SCRG1: variants seen among roughly 807,000 people sequenced by gnomAD.
The protein encoded by SCRG1 is scrapie-responsive protein 1.
Under a neutral mutation model 7.7 loss-of-function variants are expected in SCRG1, and 3 were observed. The observed-to-expected ratio is 0.39, with a 90% CI of 0.18 to 1.01. SCRG1 has a LOEUF of 1.01. Among genes scored for constraint, SCRG1 ranks in the 50% least tolerant of loss-of-function variants. The pLI is 0.36. For missense variants in SCRG1, 110 were observed against 117.2 expected, an observed-to-expected ratio of 0.94 and a Z score of 0.28; for synonymous variants, 46 against 41.2, an observed-to-expected ratio of 1.12 and a Z score of -0.44.
chr4:173,408,810 G>T (rs1739974363), upstream of SCRG1, among the ~76,000 whole-genome samples: 1 of 151,814 alleles, frequency 6.6e-6, no homozygotes, highest in South Asian at 2.1e-4. Context: ...TGGCTAACAC[G>T]GTGAAACCCC....
chr4:173,466,035 C>T, the SCRG1 span, among the ~76,000 whole-genome samples: 2 of 152,074 alleles, frequency 1.3e-5, no homozygotes, highest in African/African-American at 4.8e-5. Context: ...AAATTTGGAA[C>T]CAAATCCCCT....
chr4:173,514,453 C>T, the SCRG1 span, among the ~76,000 whole-genome samples: 2 of 152,244 alleles, frequency 1.3e-5, no homozygotes, highest in African/African-American at 4.8e-5. Context: ...CATACATCCT[C>T]TTACACCTTA....
rs748651159 is a variant in SCRG1, at chr4:173,388,338, T to G, written c.*3A>C. On this transcript the variant is annotated 3_prime_UTR_variant, in exon 3 of 3. Coordinates refer to ENST00000296506, the MANE Select transcript of SCRG1 (RefSeq NM_007281.4). Reference sequence around the variant, plus strand: ...TGGTGTTCTCCAGAATACATGAAGATTCTCATTGATTGTTGCAAGGAATCA... The same window carrying G: ...TGGTGTTCTCCAGAATACATGAAGAGTCTCATTGATTGTTGCAAGGAATCA... 5 of 1,609,740 alleles carry G rather than the reference T, an allele frequency of 3.1e-6. No homozygotes were observed. Among genetic ancestry groups the G allele is most frequent in the Non-Finnish European group, 4.2e-6 (5 of 1,176,766 alleles).
At chr4:173,471,722 G>C in the SCRG1 span, among the ~76,000 whole-genome samples, 1 of 152,114 alleles carries the variant, frequency 6.6e-6, no homozygotes, top group African/African-American at 2.4e-5. Flanking sequence ...TGGAAAATGA[G>C]TTTTGTTTTG....
At chr4:173,480,681 G>C in the SCRG1 span, among the ~76,000 whole-genome samples, 1 of 152,104 alleles carries the variant, frequency 6.6e-6, no homozygotes, top group Non-Finnish European at 1.5e-5. Context: ...AATATGGACT[G>C]CGTATTATAT....
chr4:173,450,580 C>G, the SCRG1 span, among the ~76,000 whole-genome samples: 1 of 152,090 alleles, frequency 6.6e-6, no homozygotes. Context: ...TTGGCTTTTA[C>G]CTGTGGGTTC....
At chr4:173,411,801 G>A in the SCRG1 span, among the ~76,000 whole-genome samples, 2 of 133,982 alleles carry the variant, frequency 1.5e-5, no homozygotes, top group African/African-American at 5.0e-5. Context: ...AATGCTGCTT[G>A]TCTCTAAGCT....
intron 1 of SCRG1, among the ~76,000 whole-genome samples, chr4:173,398,094 G>A (rs542297834): frequency 8.5e-5 from 13 of 152,198 alleles, no homozygotes; most frequent in South Asian, 6.2e-4. Context: ...CTTAGAAGAC[G>A]TTTTTGTTAG....
the SCRG1 span, among the ~76,000 whole-genome samples, chr4:173,459,422 C>G: frequency 1.3e-5 from 2 of 152,126 alleles, no homozygotes; most frequent in Non-Finnish European, 2.9e-5. Flanking sequence ...CTTTTCTGAG[C>G]ACAATGGAAT....
At chr4:173,398,884 CT>C (rs1739676466) in intron 1 of SCRG1, among the ~76,000 whole-genome samples, 183 bp downstream of exon 1, 1 of 152,100 alleles carries the variant, frequency 6.6e-6, no homozygotes, top group South Asian at 2.1e-4. Flanking sequence ...CTTTTTTAAT[CT>C]GATTATTTGC....
At chr4:173,484,121 C>CAAGATAT in the SCRG1 span, among the ~76,000 whole-genome samples, 1 of 45,870 alleles carries the variant, frequency 2.2e-5, no homozygotes, top group Non-Finnish European at 3.9e-5. Context: ...ATATAATATA[C>CAAGATAT]AATATATAAT....
At chr4:173,444,265 C>T in the SCRG1 span, among the ~76,000 whole-genome samples, 1 of 152,100 alleles carries the variant, frequency 6.6e-6, no homozygotes, top group Non-Finnish European at 1.5e-5. Context: ...TGAGCCTCTG[C>T]GCCTGGCCAA....
the SCRG1 span, among the ~76,000 whole-genome samples, chr4:173,449,267 T>A: frequency 6.6e-6 from 1 of 152,278 alleles, no homozygotes; most frequent in South Asian, 2.1e-4. Flanking sequence ...TTCACAGTAG[T>A]GAACAATGTT....
At chr4:173,445,657 C>T in the SCRG1 span, among the ~76,000 whole-genome samples, 6 of 150,154 alleles carry the variant, frequency 4.0e-5, no homozygotes, top group Non-Finnish European at 7.4e-5. Flanking sequence ...TTTCACAAGA[C>T]TCTTTAAGGA....
chr4:173,400,433 C>T (rs773194270), upstream of SCRG1, among the ~76,000 whole-genome samples: 4 of 152,126 alleles, frequency 2.6e-5, no homozygotes, highest in African/African-American at 9.7e-5. Flanking sequence ...AGTTGGTGAA[C>T]GTTGAGTTTA....
intron 1 of SCRG1, among the ~76,000 whole-genome samples, chr4:173,393,446 A>G (rs746527570): frequency 2.0e-5 from 3 of 152,202 alleles, no homozygotes; most frequent in Non-Finnish European, 4.4e-5. Context: ...ATGGACTAAG[A>G]CATTGCAGTG....
chr4:173,440,507 GAC>G, the SCRG1 span, among the ~76,000 whole-genome samples: 1 of 152,284 alleles, frequency 6.6e-6, no homozygotes, highest in Non-Finnish European at 1.5e-5. Context: ...AGGTGCTGAG[GAC>G]ACAGAAATTA....
At chr4:173,414,026 G>A in the SCRG1 span, among the ~76,000 whole-genome samples, 1 of 152,176 alleles carries the variant, frequency 6.6e-6, no homozygotes, top group Non-Finnish European at 1.5e-5. Flanking sequence ...GGAGATCCTT[G>A]GAAAGGCTTA....
At chr4:173,484,356 A>ATATATAATATATAT in the SCRG1 span, among the ~76,000 whole-genome samples, 1 of 63,070 alleles carries the variant, frequency 1.6e-5, no homozygotes, top group Non-Finnish European at 2.9e-5. Flanking sequence ...ATAATATATA[A>ATATATAATATATAT]TATATATTAT....
Sources: allele counts gnomAD v4.1 joint callset (sites outside exome capture counted in the v4.1 genomes callset), GRCh38; gene constraint gnomAD v4.1.1; transcripts MANE v1.5; gene names NCBI Gene and HGNC (gene_info 2026-07-23, HGNC 2026-07-21).